The following CAMK1D variants were observed in gnomAD, a reference collection of about 807,000 sequenced individuals.
CAMK1D encodes the protein calcium/calmodulin-dependent protein kinase type 1D.
Under a neutral mutation model 47.7 loss-of-function variants are expected in CAMK1D, and 9 were observed. The observed-to-expected ratio is 0.19, with a 90% CI of 0.11 to 0.33. The LOEUF (loss-of-function observed/expected upper bound fraction) is 0.33. CAMK1D is among the 10% of genes least tolerant of loss of function. The pLI is 1.00. For synonymous variants in CAMK1D, 184 were observed against 184.9 expected, an observed-to-expected ratio of 0.99 and a Z score of 0.04; for missense variants, 291 against 488.7, an observed-to-expected ratio of 0.60 and a Z score of 3.81.
At chr10:12,440,384 A>T (rs1483126441) in intron 1 of CAMK1D, among the ~76,000 whole-genome samples, 1 of 151,452 alleles carries the variant, frequency 6.6e-6, no homozygotes, top group Admixed American at 6.6e-5. Context: ...TTCCGGAGGC[A>T]GGAGGCAATT....
chr10:12,608,576 C>T (rs375247850), intron 2 of CAMK1D, among the ~76,000 whole-genome samples: 186 of 152,302 alleles, frequency 1.2e-3, no homozygotes, highest in African/African-American at 4.3e-3. Context: ...CTGTGTTCTA[C>T]AACAAATGGC....
intron 5 of CAMK1D, among the ~76,000 whole-genome samples, chr10:12,782,275 C>T (rs1564557468): frequency 6.6e-6 from 1 of 152,158 alleles, no homozygotes; most frequent in Non-Finnish European, 1.5e-5. Flanking sequence ...AAAAGTCCCT[C>T]ATTGTCTTAA....
chr10:12,715,377 A>G (rs1273574077), intron 3 of CAMK1D, among the ~76,000 whole-genome samples: 1 of 152,116 alleles, frequency 6.6e-6, no homozygotes, highest in African/African-American at 2.4e-5. Context: ...ATTTCTTATC[A>G]CTAGCTGCTT....
At chr10:12,511,198 T>C (rs1287762463) in intron 1 of CAMK1D, among the ~76,000 whole-genome samples, 1 of 152,188 alleles carries the variant, frequency 6.6e-6, no homozygotes, top group Admixed American at 6.5e-5. Context: ...CCTTTATGGA[T>C]TACCATGCAG....
At chr10:12,617,125 C>T (rs1446471188) in intron 2 of CAMK1D, among the ~76,000 whole-genome samples, 2 of 152,044 alleles carry the variant, frequency 1.3e-5, no homozygotes, top group Admixed American at 6.6e-5. Flanking sequence ...ATGCAAGCAG[C>T]TGATAGAATT....
intron 1 of CAMK1D, among the ~76,000 whole-genome samples, chr10:12,428,641 A>C (rs148787639): frequency 6.6e-6 from 1 of 152,192 alleles, no homozygotes; most frequent in African/African-American, 2.4e-5. Context: ...GCACTGTCCC[A>C]TGTCAGGCTT....
intron 3 of CAMK1D, among the ~76,000 whole-genome samples, chr10:12,721,363 G>GC (rs1205165483): frequency 6.6e-6 from 1 of 152,156 alleles, no homozygotes; most frequent in Non-Finnish European, 1.5e-5. Context: ...CTCCATACAG[G>GC]GAAGAATAGG....
At chr10:12,485,611 C>T (rs900773191) in intron 1 of CAMK1D, among the ~76,000 whole-genome samples, 2 of 152,022 alleles carry the variant, frequency 1.3e-5, no homozygotes, top group Admixed American at 6.6e-5. Flanking sequence ...GGTGGGGCTT[C>T]GATTGTGACT....
intron 1 of CAMK1D, among the ~76,000 whole-genome samples, chr10:12,446,707 C>T (rs112223869): frequency 3.5e-3 from 537 of 152,280 alleles, no homozygotes; most frequent in African/African-American, 0.012. Flanking sequence ...TGATATAAAT[C>T]CTTTCTCTTT....
intron 1 of CAMK1D, among the ~76,000 whole-genome samples, chr10:12,388,322 C>T (rs1009077172): frequency 5.3e-5 from 8 of 152,178 alleles, no homozygotes; most frequent in African/African-American, 9.7e-5. Context: ...CCACCGTGCC[C>T]GGCCCAAGCC....
chr10:12,759,118 G>T (rs1836374548), intron 3 of CAMK1D, among the ~76,000 whole-genome samples: 1 of 152,190 alleles, frequency 6.6e-6, no homozygotes, highest in South Asian at 2.1e-4. Context: ...GGAGGCTAAG[G>T]CGGGAGGATC....
intron 1 of CAMK1D, among the ~76,000 whole-genome samples, chr10:12,403,309 A>G (rs1490168092): frequency 6.6e-6 from 1 of 152,252 alleles, no homozygotes; most frequent in African/African-American, 2.4e-5. Context: ...AGAATGGCTT[A>G]GAACACCGGT....
chr10:12,591,517 T>A (rs1311873294), intron 2 of CAMK1D, among the ~76,000 whole-genome samples: 1 of 152,232 alleles, frequency 6.6e-6, no homozygotes, highest in African/African-American at 2.4e-5. Flanking sequence ...CAGGTGACAG[T>A]GGCTGACTTC....
At chr10:12,755,994 C>A (rs950425918) in intron 3 of CAMK1D, among the ~76,000 whole-genome samples, 8 of 152,184 alleles carry the variant, frequency 5.3e-5, no homozygotes, top group African/African-American at 1.4e-4. Flanking sequence ...CGTAGGGCAG[C>A]CTTTGTGAAT....
At chr10:12,441,415 T>C (rs1832780379) in intron 1 of CAMK1D, among the ~76,000 whole-genome samples, 1 of 152,050 alleles carries the variant, frequency 6.6e-6, no homozygotes, top group South Asian at 2.1e-4. Context: ...CAGGCTGGTC[T>C]TGAACTCCTG....
chr10:12,801,297 G>GTATCTATC (rs1183015885), intron 6 of CAMK1D, among the ~76,000 whole-genome samples: 2,403 of 89,706 alleles, frequency 0.027, 188 homozygotes, highest in South Asian at 0.041. Context: ...GTCTGTGTGT[G>GTATCTATC]TATCTATCTA....
chr10:12,744,670 C>T (rs1163297540), intron 3 of CAMK1D, among the ~76,000 whole-genome samples: 2 of 151,600 alleles, frequency 1.3e-5, no homozygotes, highest in Non-Finnish European at 2.9e-5. Context: ...GTGGGAGGAT[C>T]ACTTGAGGCT....
At chr10:12,403,541 T>C (rs936392794) in intron 1 of CAMK1D, among the ~76,000 whole-genome samples, 11 of 152,182 alleles carry the variant, frequency 7.2e-5, no homozygotes, top group African/African-American at 2.7e-4. Context: ...AGCTATTCTA[T>C]AAAGACTCAA....
chr10:12,580,530 C>G (rs12258771), intron 2 of CAMK1D, among the ~76,000 whole-genome samples: 8,142 of 152,114 alleles, frequency 0.054, 613 homozygotes, highest in African/African-American at 0.17. Context: ...GTATGCAGAA[C>G]TCTTACTCTT....
Sources: gnomAD v4.1 joint callset for allele counts (sites outside exome capture counted in the v4.1 genomes callset) on GRCh38, gnomAD v4.1.1 for gene constraint, MANE v1.5 for transcripts, NCBI Gene and HGNC (gene_info 2026-07-23, HGNC 2026-07-21) for gene names.